Variants in CD8B observed in about 807,000 individuals in gnomAD.
CD8B encodes the protein CD8 subunit beta, also known as T-cell surface glycoprotein CD8 beta chain.
Under a neutral mutation model 24.2 loss-of-function variants are expected in CD8B, and 6 were observed. That is an observed-to-expected ratio of 0.25 (90% confidence interval 0.14 to 0.49). CD8B has a LOEUF of 0.49. Ranked by LOEUF, CD8B falls within the 20% of genes least tolerant of loss-of-function variation. The pLI is 0.98. For missense variants in CD8B, 196 were observed against 271.3 expected (o/e 0.72, Z 1.95); for synonymous variants, 84 against 108.3 (o/e 0.78, Z 1.39).
In CD8B at chr2:86,838,873, C is replaced by A. The variant is rs1675292515; in HGVS notation, c.*3434G>T. Among the ~76,000 whole-genome samples the A allele has an allele frequency of 6.6e-6, 1 of 152,170 alleles. No homozygotes were observed. Among genetic ancestry groups the A allele is most frequent in the Non-Finnish European group, 1.5e-5 (1 of 68,040 alleles). ...GTTCTGTACTTGGATTTTAAAAAGT[C>A]TCTTTCTTGAAGTATAATTTACATC... On this transcript the variant is annotated 3_prime_UTR_variant, in exon 6 of 6. Coordinates refer to ENST00000390655, the MANE Select transcript of CD8B (RefSeq NM_004931.5).
At chr2:86,836,312 C>T (rs1429103661), downstream of CD8B, among the ~76,000 whole-genome samples, 1 of 152,110 alleles carries the variant, frequency 6.6e-6, no homozygotes, top group Non-Finnish European at 1.5e-5. Flanking sequence ...CCAGAGGACC[C>T]CCACAGGCCT....
At chr2:86,847,617 G>C (rs1675749819) in intron 3 of CD8B, among the ~76,000 whole-genome samples, 1 of 152,234 alleles carries the variant, frequency 6.6e-6, no homozygotes, top group African/African-American at 2.4e-5. Context: ...CCAGGCTGGA[G>C]TGCAGTGGCG....
chr2:86,825,208 T>G (rs944507280), intron 5 of CD8B, among the ~76,000 whole-genome samples: 1 of 152,070 alleles, frequency 6.6e-6, no homozygotes, highest in South Asian at 2.1e-4. Context: ...GGTGTGCTGC[T>G]GGGGTTGGAG....
intron 2 of CD8B, among the ~76,000 whole-genome samples, chr2:86,854,858 C>T (rs868455160): frequency 6.6e-6 from 1 of 151,780 alleles, no homozygotes; most frequent in Non-Finnish European, 1.5e-5. Context: ...CGGTGACTCA[C>T]GCCTGTAATC....
downstream of CD8B, among the ~76,000 whole-genome samples, chr2:86,836,244 A>G (rs1316393823): frequency 1.3e-5 from 2 of 152,062 alleles, no homozygotes; most frequent in African/African-American, 4.8e-5. Context: ...TTGTTCATTC[A>G]TTCATTTCAG....
At chr2:86,861,674 G>C (rs375492079) in intron 1 of CD8B, 149 bp downstream of exon 1, 1 of 474,976 alleles carries the variant, frequency 2.1e-6, no homozygotes, top group East Asian at 3.6e-5. Flanking sequence ...CTTAGGGACC[G>C]TGCCTGCCAA....
In CD8B at chr2:86,838,703, T is replaced by C. The variant is rs1675286663; in HGVS notation, c.*3604A>G. Among the ~76,000 whole-genome samples, 1 of 152,168 alleles carries C rather than the reference T, an allele frequency of 6.6e-6. No individual in the cohort carries two copies. The highest frequency in any genetic ancestry group is 1.5e-5 in the Non-Finnish European group (1 of 68,018). ...TTTTTGTAGAGTCGAGGTCTTGCTA[T>C]GTTGCCTAGGCTGCTCTCAAACTCC... On this transcript the variant is annotated 3_prime_UTR_variant, in exon 6 of 6. Coordinates refer to ENST00000390655, the MANE Select transcript of CD8B (RefSeq NM_004931.5).
At chr2:86,844,154 C>A (rs150603379) in intron 5 of CD8B, among the ~76,000 whole-genome samples, 2 of 152,080 alleles carry the variant, frequency 1.3e-5, no homozygotes, top group Non-Finnish European at 2.9e-5. Context: ...CCTACCAGGG[C>A]AAAGCAACTT....
intron 5 of CD8B, among the ~76,000 whole-genome samples, chr2:86,820,674 G>A (rs562105538): frequency 6.6e-6 from 1 of 152,244 alleles, no homozygotes; most frequent in East Asian, 1.9e-4. Context: ...TGGTGGTCTG[G>A]AACTGAACCT....
chr2:86,853,994 G>T (rs1198207695), intron 2 of CD8B, among the ~76,000 whole-genome samples: 3 of 152,026 alleles, frequency 2.0e-5, no homozygotes. Context: ...ACTCACCTCG[G>T]CCTCCAAAAG....
downstream of CD8B, among the ~76,000 whole-genome samples, chr2:86,834,009 C>T (rs1236255363): frequency 1.3e-5 from 2 of 152,084 alleles, no homozygotes; most frequent in Non-Finnish European, 2.9e-5. Flanking sequence ...TATAGATAGA[C>T]AGCAACTTAT....
intron 3 of CD8B, among the ~76,000 whole-genome samples, 155 bp from the exon 4 acceptor site, chr2:86,846,928 T>TTC (rs1675715172): frequency 3.3e-5 from 3 of 92,270 alleles, no homozygotes; most frequent in East Asian, 3.6e-4. Flanking sequence ...TCCTCAAGTA[T>TTC]TTTTTTTTTT....
downstream of CD8B, among the ~76,000 whole-genome samples, chr2:86,835,825 C>T (rs116383447): frequency 0.34 from 49,278 of 146,220 alleles, 8,875 homozygotes; most frequent in East Asian, 0.65. Context: ...TGGTATCACC[C>T]GGGTCTTTCT....
At chr2:86,845,896 A>G (rs1675649338) in intron 4 of CD8B, among the ~76,000 whole-genome samples, 1 of 152,112 alleles carries the variant, frequency 6.6e-6, no homozygotes. Context: ...TTTTCATCGT[A>G]TGTTCAAAGG....
At chr2:86,821,060 A>G (rs1238903898) in intron 5 of CD8B, among the ~76,000 whole-genome samples, 3 of 150,732 alleles carry the variant, frequency 2.0e-5, no homozygotes, top group Admixed American at 2.0e-4. Context: ...CCAACTCCCC[A>G]CTTCTGAACC....
chr2:86,837,593 T>C (rs1057415876), downstream of CD8B, among the ~76,000 whole-genome samples: 56 of 149,122 alleles, frequency 3.8e-4, no homozygotes, highest in African/African-American at 1.2e-3. Context: ...TAGATTCGGA[T>C]CAGCTTTGCA....
chr2:86,822,556 G>A (rs1674522748), intron 5 of CD8B, among the ~76,000 whole-genome samples: 1 of 152,190 alleles, frequency 6.6e-6, no homozygotes, highest in Non-Finnish European at 1.5e-5. Flanking sequence ...CAGACAGCAT[G>A]CTTGATATAA....
chr2:86,842,368 A>G, intron 5 of CD8B, 49 bp from the exon 6 acceptor site: 1 of 1,581,916 alleles, frequency 6.3e-7, no homozygotes. Flanking sequence ...GGCAAACGAT[A>G]TTGAATTTCC....
At chr2:86,859,315 G>A (rs1006861258) in intron 1 of CD8B, among the ~76,000 whole-genome samples, 1 of 152,106 alleles carries the variant, frequency 6.6e-6, no homozygotes, top group African/African-American at 2.4e-5. Context: ...AGACTCTGAC[G>A]AGAAGCACCC....
Sources: gnomAD v4.1 joint callset for allele counts (sites outside exome capture counted in the v4.1 genomes callset) on GRCh38, gnomAD v4.1.1 for gene constraint, MANE v1.5 for transcripts, NCBI Gene and HGNC (gene_info 2026-07-23, HGNC 2026-07-21) for gene names.